The following CHCHD6 variants were observed in gnomAD, a reference collection of about 807,000 sequenced individuals.
CHCHD6 encodes the protein MICOS complex subunit MIC25.
A neutral mutation model predicts 32.3 loss-of-function variants in CHCHD6; 28 were observed. The observed-to-expected ratio is 0.87, with a 90% CI of 0.64 to 1.19. The LOEUF is 1.19. CHCHD6 is among the 50% of genes most tolerant of loss of function. The pLI, the probability that CHCHD6 is intolerant of heterozygous loss-of-function variation, is 0.00. For synonymous variants in CHCHD6, 122 were observed against 117.5 expected (o/e 1.04, Z -0.25); for missense variants, 333 against 307.0 (o/e 1.08, Z -0.63).
chr3:126,767,388 C>G, intron 4 of CHCHD6: 1 of 761,758 alleles, frequency 1.3e-6, no homozygotes, highest in South Asian at 1.4e-5. Flanking sequence ...TGGCTGAGGC[C>G]CTCGATGAGT....
At chr3:126,839,401 G>A (rs745530838) in intron 4 of CHCHD6, among the ~76,000 whole-genome samples, 3 of 152,182 alleles carry the variant, frequency 2.0e-5, no homozygotes, top group Non-Finnish European at 2.9e-5. Context: ...CAATAATTTG[G>A]AAATTTATAT....
intron 4 of CHCHD6, among the ~76,000 whole-genome samples, chr3:126,774,194 A>T (rs1937594953): frequency 6.6e-6 from 1 of 152,228 alleles, no homozygotes; most frequent in South Asian, 2.1e-4. Context: ...TTAAGTGCTC[A>T]GGTTGGTGAT....
At chr3:126,823,315 G>T (rs1008154668) in intron 4 of CHCHD6, among the ~76,000 whole-genome samples, 1 of 152,108 alleles carries the variant, frequency 6.6e-6, no homozygotes. Flanking sequence ...AACATCTATA[G>T]ATCAATTTAT....
intron 4 of CHCHD6, among the ~76,000 whole-genome samples, chr3:126,739,540 G>A (rs908686663): frequency 1.3e-5 from 2 of 152,188 alleles, no homozygotes; most frequent in East Asian, 1.9e-4. Context: ...GCGGGTGGGA[G>A]CACTGGTGGT....
chr3:126,895,737 T>G (rs2077829718), intron 5 of CHCHD6, among the ~76,000 whole-genome samples: 1 of 152,228 alleles, frequency 6.6e-6, no homozygotes, highest in South Asian at 2.1e-4. Context: ...TTTGCTGTAT[T>G]TGCTGACCCC....
intron 4 of CHCHD6, among the ~76,000 whole-genome samples, chr3:126,817,626 C>T (rs1185563906): frequency 6.6e-5 from 10 of 152,222 alleles, no homozygotes; most frequent in Non-Finnish European, 8.8e-5. Flanking sequence ...TCCACCTGGA[C>T]TGTTCATAGC....
At chr3:126,957,611 T>C in intron 7 of CHCHD6, 60 bp downstream of exon 7, 1 of 1,521,628 alleles carries the variant, frequency 6.6e-7, no homozygotes, top group Non-Finnish European at 8.9e-7. Flanking sequence ...GAGGTACCTC[T>C]ATCTAGCATT....
intron 5 of CHCHD6, among the ~76,000 whole-genome samples, chr3:126,875,556 G>A (rs79444473): frequency 1.9e-4 from 29 of 152,286 alleles, no homozygotes; most frequent in African/African-American, 6.5e-4. Context: ...GGAGAGAATT[G>A]GGCTCAAGTT....
chr3:126,926,236 G>T (rs2078322638), intron 6 of CHCHD6, among the ~76,000 whole-genome samples: 1 of 152,216 alleles, frequency 6.6e-6, no homozygotes, highest in South Asian at 2.1e-4. Context: ...CCACTTACAT[G>T]TCTGTTTTGT....
chr3:126,951,097 G>T (rs2078709052), intron 6 of CHCHD6, among the ~76,000 whole-genome samples: 1 of 152,168 alleles, frequency 6.6e-6, no homozygotes, highest in Admixed American at 6.5e-5. Context: ...TTATGGGGGT[G>T]GTTCCCCCGG....
chr3:126,925,746 C>T (rs1167929083), intron 6 of CHCHD6, among the ~76,000 whole-genome samples: 1 of 152,226 alleles, frequency 6.6e-6, no homozygotes, highest in Non-Finnish European at 1.5e-5. Flanking sequence ...ATGGCTTACT[C>T]TCATAACCCC....
chr3:126,772,115 T>C (rs1011498135), intron 4 of CHCHD6, among the ~76,000 whole-genome samples: 3 of 152,178 alleles, frequency 2.0e-5, no homozygotes, highest in Non-Finnish European at 4.4e-5. Context: ...GTTTTTTGTT[T>C]TTTTGAGATA....
intron 4 of CHCHD6, among the ~76,000 whole-genome samples, chr3:126,751,107 T>A (rs1936702363): frequency 6.6e-6 from 1 of 152,006 alleles, no homozygotes; most frequent in Non-Finnish European, 1.5e-5. Context: ...TATGTTTTTC[T>A]TTTGTGTTCA....
chr3:126,815,269 C>G (rs1206441044), intron 4 of CHCHD6, among the ~76,000 whole-genome samples: 4 of 152,178 alleles, frequency 2.6e-5, no homozygotes, highest in Admixed American at 6.5e-5. Context: ...TATCAGCATT[C>G]CCCAGGGACT....
At chr3:126,820,829 C>G (rs1559863823) in intron 4 of CHCHD6, among the ~76,000 whole-genome samples, 3 of 152,162 alleles carry the variant, frequency 2.0e-5, no homozygotes, top group Admixed American at 6.5e-5. Context: ...TGTCAGTTGT[C>G]TTAATGTTCA....
intron 4 of CHCHD6, among the ~76,000 whole-genome samples, chr3:126,827,097 A>G (rs1418128621): frequency 6.6e-6 from 1 of 152,186 alleles, no homozygotes; most frequent in Non-Finnish European, 1.5e-5. Flanking sequence ...AAAGGATGCC[A>G]AAGAAGTTGG....
intron 4 of CHCHD6, among the ~76,000 whole-genome samples, chr3:126,770,147 A>T (rs543239963): frequency 2.4e-4 from 37 of 151,896 alleles, no homozygotes; most frequent in Admixed American, 1.7e-3. Context: ...CTTGGCTTGG[A>T]TGTTTTTGGT....
At chr3:126,764,630 C>T (rs749716522) in intron 4 of CHCHD6, among the ~76,000 whole-genome samples, 5 of 152,154 alleles carry the variant, frequency 3.3e-5, no homozygotes, top group Non-Finnish European at 7.4e-5. Context: ...CCGCCCAGGG[C>T]GGCTCCTGCA....
rs549249383 is a variant in CHCHD6, at chr3:126,892,944, G to T, written c.496-21736G>T. Among the ~76,000 whole-genome samples the T allele has an allele frequency of 5.5e-4, 83 of 151,212 alleles. No homozygotes were observed. The East Asian group carries it at 0.012, about 22-fold the overall frequency. On this transcript the variant is annotated intron_variant, in intron 5 of 7. Coordinates refer to ENST00000290913, the MANE Select transcript of CHCHD6 (RefSeq NM_032343.3). ...TTTTTGTTTTTGTTTTTCTTTTTTT[G>T]TTGTTGTTGTTGTTTTGTTTTGTTT...
Sources: allele counts gnomAD v4.1 joint callset (sites outside exome capture counted in the v4.1 genomes callset), GRCh38; gene constraint gnomAD v4.1.1; transcripts MANE v1.5; gene names NCBI Gene and HGNC (gene_info 2026-07-23, HGNC 2026-07-21).